Variants in LHX8 observed in about 807,000 individuals in gnomAD.
The protein encoded by LHX8 is LIM homeobox 8.
A neutral mutation model predicts 40.3 loss-of-function variants in LHX8; 12 were observed. That is an observed-to-expected ratio of 0.30 (90% CI 0.19 to 0.48). The LOEUF is 0.48. Among genes scored for constraint, LHX8 ranks in the 20% least tolerant of loss-of-function variants. LHX8 has a pLI of 0.99. For missense variants in LHX8, 344 were observed against 433.7 expected (o/e 0.79, Z 1.84); for synonymous variants, 179 against 162.0 (o/e 1.10, Z -0.80).
chr1:75,156,431 G>A (rs1315469879), intron 7 of LHX8, among the ~76,000 whole-genome samples: 3 of 151,902 alleles, frequency 2.0e-5, no homozygotes, highest in Admixed American at 6.6e-5. Context: ...TAGTAGAGAC[G>A]GGGTTTTACC....
In LHX8 at chr1:75,134,440, G is replaced by C. The variant is rs1648060079; in HGVS notation, c.-527G>C. Among the ~76,000 whole-genome samples, 1 of 151,824 alleles carries C rather than the reference G, an allele frequency of 6.6e-6. No homozygotes were observed. Among genetic ancestry groups the C allele is most frequent in the South Asian group, 2.1e-4 (1 of 4,804 alleles). ...AAGCTGGGAAAGGAATTTTAAGAAC[G>C]GTTCATCAGAAAGTGGTCAGGCCAC... On this transcript the variant is annotated 5_prime_UTR_variant, in exon 1 of 9. Transcript: ENST00000356261.
rs1648360774 is a variant in LHX8 at position 75,143,098 on chromosome 1, C to T, written c.360-20C>T. ...ACCAGGCATTAAAATATTTACCTTC[C>T]ACACCTCTATTTAATGTAGAAGGTA... On this transcript the variant is annotated intron_variant, in intron 4 of 8. Coordinates refer to ENST00000356261, the MANE Select transcript of LHX8 (RefSeq NM_001256114.2). The T allele has an allele frequency of 1.3e-6, 2 of 1,592,676 alleles. No homozygotes were observed. The highest frequency in any genetic ancestry group is 1.7e-6 in the Non-Finnish European group (2 of 1,161,276).
chr1:75,160,778 A>G (rs1287390281), intron 8 of LHX8, 41 bp from the exon 9 acceptor site: 4 of 1,307,726 alleles, frequency 3.1e-6, no homozygotes, highest in Non-Finnish European at 3.3e-6. Context: ...AGTTTTATGC[A>G]CCCTACAAAA....
At chr1:75,156,550 T>C (rs955856276) in intron 7 of LHX8, among the ~76,000 whole-genome samples, 2 of 152,082 alleles carry the variant, frequency 1.3e-5, no homozygotes, top group African/African-American at 4.8e-5. Flanking sequence ...TCAAATCCAA[T>C]AGAGTTTAAT....
chr1:75,165,625 TG>T, downstream of LHX8, among the ~76,000 whole-genome samples: 1 of 152,218 alleles, frequency 6.6e-6, no homozygotes, highest in Non-Finnish European at 1.5e-5. Context: ...GAAGGGGTCC[TG>T]GGGAGGTAGA....
At chr1:75,182,448 A>C in the LHX8 span, among the ~76,000 whole-genome samples, 3 of 139,872 alleles carry the variant, frequency 2.1e-5, no homozygotes, top group Admixed American at 1.6e-4. Flanking sequence ...ATCTCAGCTC[A>C]CCACAACCTC....
At chr1:75,146,803 G>A (rs2100345866) in intron 6 of LHX8, among the ~76,000 whole-genome samples, 1 of 152,192 alleles carries the variant, frequency 6.6e-6, no homozygotes, top group East Asian at 1.9e-4. Flanking sequence ...TAAATGATCA[G>A]AGTTGTTTTG....
At chr1:75,149,249 T>A (rs1291132890) in intron 7 of LHX8, among the ~76,000 whole-genome samples, 2 of 152,204 alleles carry the variant, frequency 1.3e-5, no homozygotes, top group Non-Finnish European at 2.9e-5. Flanking sequence ...TTAGTGCAAG[T>A]TTTTTCAAAT....
chr1:75,174,042 A>G, the LHX8 span, among the ~76,000 whole-genome samples: 1 of 152,108 alleles, frequency 6.6e-6, no homozygotes, highest in Non-Finnish European at 1.5e-5. Flanking sequence ...AAAAAGTCAG[A>G]AATCTGAAAC....
chr1:75,187,492 A>G, the LHX8 span, among the ~76,000 whole-genome samples: 1 of 152,150 alleles, frequency 6.6e-6, no homozygotes, highest in Admixed American at 6.5e-5. Context: ...GGCTATTGGA[A>G]AGGGTCTTGT....
intron 5 of LHX8, among the ~76,000 whole-genome samples, 167 bp from the exon 6 acceptor site, chr1:75,143,677 TA>T (rs1420785975): frequency 6.6e-6 from 1 of 152,216 alleles, no homozygotes; most frequent in African/African-American, 2.4e-5. Flanking sequence ...GTAAGTGGAA[TA>T]TTTTTTGTAC....
At chr1:75,139,428 C>G (rs1404849744) in intron 3 of LHX8, among the ~76,000 whole-genome samples, 2 of 152,064 alleles carry the variant, frequency 1.3e-5, no homozygotes, top group Non-Finnish European at 2.9e-5. Context: ...CATGGCTCTT[C>G]CCCTAAAGCC....
At chr1:75,172,238 G>A in the LHX8 span, among the ~76,000 whole-genome samples, 2 of 152,132 alleles carry the variant, frequency 1.3e-5, no homozygotes, top group Non-Finnish European at 2.9e-5. Flanking sequence ...ACAGATGTAT[G>A]AGACCACTAT....
At chr1:75,143,786 T>A in intron 5 of LHX8, 59 bp from the exon 6 acceptor site, 1 of 1,261,610 alleles carries the variant, frequency 7.9e-7, no homozygotes, top group South Asian at 1.2e-5. Flanking sequence ...AACCTGTTAT[T>A]GTAAGATGGG....
intron 7 of LHX8, among the ~76,000 whole-genome samples, chr1:75,155,360 A>G (rs567062027): frequency 5.0e-4 from 74 of 147,106 alleles, no homozygotes; most frequent in African/African-American, 1.3e-3. Flanking sequence ...TCAGCCTCCC[A>G]AGTAGCTGGG....
At chr1:75,156,770 A>C in intron 7 of LHX8, 123 bp from the exon 8 acceptor site, 1 of 881,386 alleles carries the variant, frequency 1.1e-6, no homozygotes, top group South Asian at 1.3e-5. Flanking sequence ...AAGCTGAGTT[A>C]CATTTATGCG....
chr1:75,180,683 T>C, the LHX8 span, among the ~76,000 whole-genome samples: 1 of 152,216 alleles, frequency 6.6e-6, no homozygotes, highest in East Asian at 1.9e-4. Flanking sequence ...TTCTGAAGTC[T>C]ACTTCTGTCA....
chr1:75,135,078 A>C, intron 1 of LHX8, 124 bp downstream of exon 1: 1 of 249,002 alleles, frequency 4.0e-6, no homozygotes, highest in South Asian at 1.5e-4. Flanking sequence ...CTGCCCGCGG[A>C]CACTTGCCTG....
At chr1:75,198,520 C>G in the LHX8 span, among the ~76,000 whole-genome samples, 1 of 152,118 alleles carries the variant, frequency 6.6e-6, no homozygotes, top group African/African-American at 2.4e-5. Flanking sequence ...GTTGAGGAAG[C>G]CTTTGAGCAG....
Sources: gnomAD v4.1 joint callset for allele counts (sites outside exome capture counted in the v4.1 genomes callset) on GRCh38, gnomAD v4.1.1 for gene constraint, MANE v1.5 for transcripts, NCBI Gene and HGNC (gene_info 2026-07-23, HGNC 2026-07-21) for gene names.